ZNF106: variants seen among roughly 807,000 people sequenced by gnomAD.
ZNF106 encodes SH3-domain binding protein 3.
Under a neutral mutation model 195.1 loss-of-function variants are expected in ZNF106, and 67 were observed. The ratio of observed to expected loss-of-function variants is 0.34; its 90% CI spans 0.28 to 0.42. The LOEUF (loss-of-function observed/expected upper bound fraction) is 0.42, where lower values mean the gene tolerates loss of function less well. ZNF106 is among the 10% of genes least tolerant of loss of function. The probability of loss-of-function intolerance (pLI) is 1.00; values close to 1 mark genes in which losing one functional copy is unlikely to be tolerated. For synonymous variants in ZNF106, 784 were observed against 818.6 expected, an observed-to-expected ratio of 0.96 and a Z score of 0.72; for missense variants, 2,118 against 2,304.5, an observed-to-expected ratio of 0.92 and a Z score of 1.66.
intron 14 of ZNF106, among the ~76,000 whole-genome samples, chr15:42,431,864 T>C (rs1461882307): frequency 6.6e-6 from 1 of 152,242 alleles, no homozygotes; most frequent in African/African-American, 2.4e-5. Flanking sequence ...TCCACCCGCC[T>C]CAGCCTCCCA....
chr15:42,445,023 T>C, intron 7 of ZNF106, 42 bp from the exon 8 acceptor site: 1 of 1,609,076 alleles, frequency 6.2e-7, no homozygotes, highest in Non-Finnish European at 8.5e-7. Context: ...TACGAGAGAT[T>C]TCCCTCTCAT....
Position 42,433,898 on chromosome 15 carries a change from T to C in ZNF106, c.4881+1486A>G, listed in dbSNP as rs187236039. Among the ~76,000 whole-genome samples the C allele has an allele frequency of 1.4e-3, 220 of 152,118 alleles. 1 individual carries two copies. Among genetic ancestry groups the C allele is most frequent in the African/African-American group, 5.2e-3 (216 of 41,480 alleles). ...GGTTCTTGTTCTGTCACCCAGGCTG[T>C]AGTGAAGTGACACAAGCACAGCTCA... On this transcript the variant is annotated intron_variant, in intron 14 of 21. Transcript: ENST00000564754.
intron 10 of ZNF106, among the ~76,000 whole-genome samples, chr15:42,440,845 T>C (rs1341027913): frequency 6.7e-6 from 1 of 149,500 alleles, no homozygotes; most frequent in Admixed American, 6.7e-5. Flanking sequence ...TAGCTGGGCA[T>C]GGTGGTGGGC....
chr15:42,481,994 T>G (rs1482068900), intron 1 of ZNF106, among the ~76,000 whole-genome samples: 1 of 152,210 alleles, frequency 6.6e-6, no homozygotes, highest in African/African-American at 2.4e-5. Flanking sequence ...AAAATATTGA[T>G]CCCAGGTCAC....
chr15:42,451,212 T>C lies in ZNF106; in HGVS notation c.1060A>G (p.Thr354Ala). 2.5e-6 allele frequency: 4 copies of C among 1,614,118 alleles called. No individual in the cohort carries two copies. The highest frequency in any genetic ancestry group is 3.4e-6 in the Non-Finnish European group (4 of 1,180,016). The change falls in exon 5 of 22, where the codon ACT (threonine) becomes GCT (alanine). Residue 354 changes from threonine (T) to alanine (A), a missense_variant. By Grantham distance (58) the Thr-to-Ala change is moderately conservative (BLOSUM62 0). Coordinates refer to ENST00000564754, the MANE Select transcript of ZNF106 (RefSeq NM_001366845.3). ...CCATTCTTTCCACTAACTTTGGAAGTAGCAGTGTCTGCTTGTTTAGTGGTT... is the reference window on the plus strand; with the variant it reads ...CCATTCTTTCCACTAACTTTGGAAGCAGCAGTGTCTGCTTGTTTAGTGGTT... ...SQTTKQADTATSKVSGKNGSA... is the reference protein window; with the variant it reads ...SQTTKQADTAASKVSGKNGSA...
intron 9 of ZNF106, among the ~76,000 whole-genome samples, chr15:42,443,327 C>T (rs2055627758): frequency 6.6e-6 from 1 of 152,014 alleles, no homozygotes; most frequent in African/African-American, 2.4e-5. Context: ...AGTTTACAGA[C>T]CTTTCTATAG....
chr15:42,437,825 T>G (rs1258519183), intron 12 of ZNF106, among the ~76,000 whole-genome samples: 1 of 151,312 alleles, frequency 6.6e-6, no homozygotes, highest in African/African-American at 2.4e-5. Context: ...AGAGAATCAC[T>G]TGAACCCAGA....
At chr15:42,456,565 T>C (rs1057059845) in intron 4 of ZNF106, among the ~76,000 whole-genome samples, 2 of 151,456 alleles carry the variant, frequency 1.3e-5, no homozygotes, top group African/African-American at 2.4e-5. Context: ...GGCAGGAGAA[T>C]TGCTTGAACC....
Position 42,448,202 on chromosome 15 carries a change from C to T in ZNF106, c.3005G>A (p.Cys1002Tyr). 6.2e-7 allele frequency: 1 copy of T among 1,614,198 alleles called. No individual in the cohort carries two copies. Among genetic ancestry groups the T allele is most frequent in the Non-Finnish European group, 8.5e-7 (1 of 1,180,030 alleles). The change falls in exon 6 of 22, where the codon TGT becomes TAT. Residue 1002 changes from cysteine (C) to tyrosine (Y), a missense_variant. Coordinates refer to ENST00000564754, the MANE Select transcript of ZNF106 (RefSeq NM_001366845.3). ...NSQESNGEGN[C>Y]LSSSASSALA... ...GGCTGAGGATGCGCTTGATGACAGA[C>T]AGTTTCCCTCTCCATTACTCTCCTG...
At chr15:42,458,675 T>C (rs1010757854) in intron 3 of ZNF106, among the ~76,000 whole-genome samples, 3 of 150,174 alleles carry the variant, frequency 2.0e-5, no homozygotes, top group South Asian at 2.1e-4. Context: ...ACCACTGCAC[T>C]CCAGCCTGGG....
At chr15:42,486,122 G>C (rs1414349789) in intron 1 of ZNF106, among the ~76,000 whole-genome samples, 1 of 151,638 alleles carries the variant, frequency 6.6e-6, no homozygotes, top group Non-Finnish European at 1.5e-5. Context: ...ACCACACCCA[G>C]CTAACTTTTG....
At chr15:42,481,566 G>A (rs1037132065) in intron 1 of ZNF106, among the ~76,000 whole-genome samples, 1 of 151,916 alleles carries the variant, frequency 6.6e-6, no homozygotes, top group East Asian at 1.9e-4. Context: ...CACCATGTTG[G>A]CCAGGCTGGT....
rs1234176764 is a variant in ZNF106 at position 42,448,142 on chromosome 15, T to A, written c.3065A>T (p.Asp1022Val). 2 of 1,614,200 alleles carry A rather than the reference T, an allele frequency of 1.2e-6. No homozygotes were observed. Among genetic ancestry groups the A allele is most frequent in the South Asian group, 1.1e-5 (1 of 91,076 alleles). ...TTCAGCACCAGAGGTACAGCTACTA[T>A]CTGTGGCTGCATCCGCTAAACTGGA... ...AISSLADAAT[D>V]SSCTSGAEQN... The change falls in exon 6 of 22, where the codon GAT becomes GTT. Residue 1022 changes from aspartate (D) to valine (V), a missense_variant. Transcript: ENST00000564754.
chr15:42,480,361 A>G (rs2056874202), intron 1 of ZNF106, among the ~76,000 whole-genome samples: 1 of 152,158 alleles, frequency 6.6e-6, no homozygotes, highest in Non-Finnish European at 1.5e-5. Context: ...TGATATAAAT[A>G]TAACCACTCT....
Position 42,466,122 on chromosome 15 carries a change from A to G in ZNF106, c.55-8T>C. The G allele has an allele frequency of 6.5e-7, 1 of 1,529,900 alleles. No homozygotes were observed. The highest frequency in any genetic ancestry group is 8.7e-7 in the Non-Finnish European group (1 of 1,144,334). 94.8% of individuals were successfully genotyped at this position (1,529,900 alleles called of 1,614,324 possible). A position where few individuals can be genotyped will look rare whatever the true frequency, so the allele number is the denominator to read the frequency against. ...CATGTGTTCGTCCATCTCCTTCAAA[A>G]TAAAAGAAAGTAGATTAAAACTAAG... is the stretch of plus-strand genomic sequence containing the variant. On this transcript the variant is annotated splice_region_variant and splice_polypyrimidine_tract_variant and intron_variant, in intron 2 of 21. Transcript: ENST00000564754.
Position 42,450,873 on chromosome 15 carries a change from G to A in ZNF106, c.1399C>T (p.Pro467Ser), listed in dbSNP as rs2055990220. The A allele has an allele frequency of 6.2e-7, 1 of 1,614,188 alleles. No homozygotes were observed. The highest frequency in any genetic ancestry group is 2.2e-5 in the East Asian group (1 of 44,890). The change falls in exon 5 of 22, where the codon CCA (proline) becomes TCA (serine). Residue 467 changes from proline (P) to serine (S), a missense_variant. Physicochemically the swap from Pro to Ser is moderately conservative, Grantham distance 74. Coordinates refer to ENST00000564754, the MANE Select transcript of ZNF106 (RefSeq NM_001366845.3). Reference protein sequence around the residue: ...TAEKPEQEHTPNKMPSLKSPL... With the variant: ...TAEKPEQEHTSNKMPSLKSPL... ...GATTTCAATGATGGCATTTTATTTG[G>A]TGTATGCTCTTGTTCAGGTTTTTCT...
chr15:42,483,402 G>C (rs929300470), intron 1 of ZNF106, among the ~76,000 whole-genome samples: 1 of 152,188 alleles, frequency 6.6e-6, no homozygotes, highest in African/African-American at 2.4e-5. Flanking sequence ...ATGCGATGGA[G>C]TAGGAGGCCC....
At chr15:42,436,114 C>T (rs576773743) in intron 13 of ZNF106, among the ~76,000 whole-genome samples, 4 of 152,088 alleles carry the variant, frequency 2.6e-5, no homozygotes, top group South Asian at 2.1e-4. Flanking sequence ...CCACCACCCC[C>T]GGCTAATTTT....
At chr15:42,484,352 CAT>C (rs1411401757) in intron 1 of ZNF106, among the ~76,000 whole-genome samples, 1 of 152,116 alleles carries the variant, frequency 6.6e-6, no homozygotes, top group African/African-American at 2.4e-5. Context: ...TATAAAGTAA[CAT>C]GTATATCAAC....
Sources: gnomAD v4.1 joint callset for allele counts (sites outside exome capture counted in the v4.1 genomes callset) on GRCh38, gnomAD v4.1.1 for gene constraint, MANE v1.5 for transcripts, NCBI Gene and HGNC (gene_info 2026-07-23, HGNC 2026-07-21) for gene names.